Variants in GFOD1 observed in about 807,000 individuals in gnomAD.
The protein encoded by GFOD1 is Gfo/Idh/MocA-like oxidoreductase domain containing 1, also known as glucose-fructose oxidoreductase domain-containing protein 1.
GFOD1 carries 9 observed loss-of-function variants against 25.4 expected under a neutral mutation model. That is an observed-to-expected ratio of 0.35 (90% confidence interval 0.21 to 0.62). GFOD1 has a LOEUF of 0.62. Ranked by LOEUF, GFOD1 falls within the 20% of genes least tolerant of loss-of-function variation. The pLI, the probability that GFOD1 is intolerant of heterozygous loss-of-function variation, is 0.72. For synonymous variants in GFOD1, 253 were observed against 245.6 expected (o/e 1.03, Z -0.28); for missense variants, 403 against 556.9 (o/e 0.72, Z 2.78).
intron 1 of GFOD1, chr6:13,407,770 T>C (rs974496608): frequency 6.0e-6 from 1 of 166,598 alleles, no homozygotes; most frequent in Non-Finnish European, 1.2e-5. Flanking sequence ...GCTATTACAA[T>C]AGGCCTCAGT....
chr6:13,484,141 C>T (rs974627122), intron 1 of GFOD1, among the ~76,000 whole-genome samples: 1 of 152,132 alleles, frequency 6.6e-6, no homozygotes, highest in East Asian at 1.9e-4. Flanking sequence ...CCCTAGACCA[C>T]ACTTTGTAGG....
intron 1 of GFOD1, among the ~76,000 whole-genome samples, chr6:13,385,472 T>C (rs1229873980): frequency 6.6e-6 from 1 of 152,184 alleles, no homozygotes; most frequent in Non-Finnish European, 1.5e-5. Flanking sequence ...GCTGTTCTGC[T>C]GGGGCTGTGG....
intron 1 of GFOD1, among the ~76,000 whole-genome samples, chr6:13,464,833 G>A (rs1758351356): frequency 6.6e-6 from 1 of 151,762 alleles, no homozygotes; most frequent in Non-Finnish European, 1.5e-5. Context: ...ACCCTGCAGG[G>A]CTTCCCTGCA....
At chr6:13,424,533 T>C (rs1392884087) in intron 1 of GFOD1, among the ~76,000 whole-genome samples, 7 of 152,096 alleles carry the variant, frequency 4.6e-5, no homozygotes, top group Non-Finnish European at 1.0e-4. Flanking sequence ...AACATAAAAC[T>C]ATTAAAATCA....
At chr6:13,386,888 A>G (rs1256299271) in intron 1 of GFOD1, among the ~76,000 whole-genome samples, 1 of 152,172 alleles carries the variant, frequency 6.6e-6, no homozygotes, top group African/African-American at 2.4e-5. Context: ...CATGCATTAA[A>G]AACAGAAGCT....
intron 1 of GFOD1, among the ~76,000 whole-genome samples, chr6:13,477,917 A>T (rs1408287983): frequency 6.6e-6 from 1 of 152,042 alleles, no homozygotes; most frequent in Non-Finnish European, 1.5e-5. Flanking sequence ...TACAAAAATT[A>T]GCCAGGCGTG....
At chr6:13,424,390 T>C (rs73366959) in intron 1 of GFOD1, among the ~76,000 whole-genome samples, 6,947 of 152,188 alleles carry the variant, frequency 0.046, 519 homozygotes, top group African/African-American at 0.16. Flanking sequence ...ACATCAACGC[T>C]TATCTTAAAT....
chr6:13,445,308 A>G lies in GFOD1; in HGVS notation c.253+41330T>C, dbSNP rs945897324. ...CTTCTCAGATTCATATTTGATTACT[A>G]AGGAAATAATATGCATATAAATGAG... On this transcript the variant is annotated intron_variant, in intron 1 of 1. Coordinates refer to ENST00000379287, the MANE Select transcript of GFOD1 (RefSeq NM_018988.4). 2.0e-5 allele frequency among the ~76,000 whole-genome samples: 3 copies of G among 152,340 alleles called. No individual in the cohort carries two copies. In the South Asian group the frequency reaches 6.2e-4, roughly 32 times the overall value.
At chr6:13,406,496 A>G (rs915538013) in intron 1 of GFOD1, among the ~76,000 whole-genome samples, 2 of 152,150 alleles carry the variant, frequency 1.3e-5, no homozygotes, top group African/African-American at 4.8e-5. Flanking sequence ...CCTTAATCCT[A>G]AACAGACGGG....
chr6:13,360,925 C>T lies in GFOD1; in HGVS notation c.*3818G>A, dbSNP rs976578100. ...AGGAGAAGATTAAGGATTTGAATGA[C>T]CTCATTTCTGCCTAACAGTTGTGTG... On this transcript the variant is annotated 3_prime_UTR_variant, in exon 2 of 2. Transcript: ENST00000379287. 1 of 448,352 alleles carries T rather than the reference C, an allele frequency of 2.2e-6. No individual in the cohort carries two copies. The highest frequency in any genetic ancestry group is 4.5e-6 in the Non-Finnish European group (1 of 221,076). The allele number at this position is 448,352 out of a possible 1,614,324, so 27.8% of individuals were successfully genotyped here.
At chr6:13,427,021 G>A (rs114072466) in intron 1 of GFOD1, among the ~76,000 whole-genome samples, 70 of 152,330 alleles carry the variant, frequency 4.6e-4, no homozygotes, top group African/African-American at 1.5e-3. Context: ...TGTGATGAGC[G>A]TGGCAAAGCA....
chr6:13,480,981 T>C (rs1758737874), intron 1 of GFOD1, among the ~76,000 whole-genome samples: 2 of 152,182 alleles, frequency 1.3e-5, no homozygotes, highest in Admixed American at 6.5e-5. Flanking sequence ...TAAATATTCA[T>C]AGTGTGTCTA....
At chr6:13,438,195 T>C (rs1230529024) in intron 1 of GFOD1, among the ~76,000 whole-genome samples, 1 of 152,220 alleles carries the variant, frequency 6.6e-6, no homozygotes, top group African/African-American at 2.4e-5. Flanking sequence ...ATTTTGAAGA[T>C]TTAGTATTGA....
At chr6:13,413,252 T>C (rs999072449) in intron 1 of GFOD1, among the ~76,000 whole-genome samples, 2 of 152,038 alleles carry the variant, frequency 1.3e-5, no homozygotes, top group African/African-American at 4.8e-5. Context: ...GGAACGGAGG[T>C]GACCTGCCAG....
At chr6:13,432,175 C>A (rs1327407363) in intron 1 of GFOD1, among the ~76,000 whole-genome samples, 1 of 152,068 alleles carries the variant, frequency 6.6e-6, no homozygotes, top group Non-Finnish European at 1.5e-5. Context: ...CAGCCATTTT[C>A]CACACAACTA....
intron 1 of GFOD1, among the ~76,000 whole-genome samples, chr6:13,390,777 G>A (rs145160176): frequency 0.013 from 952 of 75,452 alleles, 14 homozygotes; most frequent in Non-Finnish European, 0.016. Flanking sequence ...GAGAGAGAGA[G>A]AGAAAGGAAG....
chr6:13,384,194 C>G (rs979982610), intron 1 of GFOD1, among the ~76,000 whole-genome samples: 103 of 152,334 alleles, frequency 6.8e-4, no homozygotes, highest in African/African-American at 2.4e-3. Flanking sequence ...CCACTTCACT[C>G]CAGCCTGGGT....
chr6:13,361,332 C>T lies in GFOD1; in HGVS notation c.*3411G>A, dbSNP rs185843824. The T allele has an allele frequency of 1.2e-5, 2 of 160,826 alleles. No homozygotes were observed. The highest frequency in any genetic ancestry group is 4.8e-5 in the African/African-American group (2 of 41,650). 10.0% of individuals were successfully genotyped at this position (160,826 alleles called of 1,614,324 possible). Reference sequence around the variant, plus strand: ...CCAGGTAAGAACCCTGACCCACACCCTCCCTCATAACTTGGAATCTAGGCC... The same window carrying T: ...CCAGGTAAGAACCCTGACCCACACCTTCCCTCATAACTTGGAATCTAGGCC... On this transcript the variant is annotated 3_prime_UTR_variant, in exon 2 of 2. Transcript: ENST00000379287.
rs1471796937 is a variant in GFOD1, at chr6:13,362,402, C to CACAG, written c.*2340_*2341insCTGT. 1.4e-5 allele frequency: 2 copies of CACAG among 145,864 alleles called. No homozygotes were observed. The highest frequency in any genetic ancestry group is 5.1e-5 in the African/African-American group (2 of 39,126). The allele number at this position is 145,864 out of a possible 1,614,324, so 9.0% of individuals were successfully genotyped here. A position where few individuals can be genotyped will look rare whatever the true frequency, so the allele number is the denominator to read the frequency against. Reference sequence around the variant, plus strand: ...GCTTGAACCTGGGAGGCAGAGGTTGCAGTGAGCTGAGATCACACCACTGCA... The same window carrying CACAG: ...GCTTGAACCTGGGAGGCAGAGGTTGCACAGAGTGAGCTGAGATCACACCACTGCA... On this transcript the variant is annotated 3_prime_UTR_variant, in exon 2 of 2. Coordinates refer to ENST00000379287, the MANE Select transcript of GFOD1 (RefSeq NM_018988.4).
Sources: allele counts gnomAD v4.1 joint callset (sites outside exome capture counted in the v4.1 genomes callset), GRCh38; gene constraint gnomAD v4.1.1; transcripts MANE v1.5; gene names NCBI Gene and HGNC (gene_info 2026-07-23, HGNC 2026-07-21).